SGCZ: variants seen among roughly 807,000 people sequenced by gnomAD.
SGCZ encodes the protein sarcoglycan zeta, also known as zeta-sarcoglycan.
In SGCZ, 40 loss-of-function variants were observed where a neutral mutation model predicts 41.3. The observed-to-expected ratio is 0.97, with a 90% CI of 0.75 to 1.26. The LOEUF is 1.26. SGCZ is among the 50% of genes most tolerant of loss of function. The pLI, the probability that SGCZ is intolerant of heterozygous loss-of-function variation, is 0.00. For missense variants in SGCZ, 552 were observed against 369.8 expected, an observed-to-expected ratio of 1.49 and a Z score of -4.04; for synonymous variants, 206 against 137.5, an observed-to-expected ratio of 1.50 and a Z score of -3.49.
intron 1 of SGCZ, among the ~76,000 whole-genome samples, chr8:14,661,837 T>G (rs11989707): frequency 6.9e-6 from 1 of 144,316 alleles, no homozygotes; most frequent in Non-Finnish European, 1.5e-5. Context: ...TGATCTCAAA[T>G]TGTTAAAAAA....
intron 4 of SGCZ, among the ~76,000 whole-genome samples, chr8:14,230,763 T>TG (rs199840948): frequency 0.19 from 23,501 of 123,656 alleles, 2,639 homozygotes; most frequent in Non-Finnish European, 0.28. Context: ...TTTTTGGTGG[T>TG]GGTGGGGGGG....
Position 14,460,678 on chromosome 8 carries a change from T to C in SGCZ, c.234+94054A>G, listed in dbSNP as rs571324750. Among the ~76,000 whole-genome samples the C allele has an allele frequency of 5.5e-4, 83 of 152,226 alleles. No individual in the cohort carries two copies. In the Middle Eastern group the frequency reaches 0.01, roughly 19 times the overall value. On this transcript the variant is annotated intron_variant, in intron 2 of 7. Transcript: ENST00000382080. The stretch of plus-strand genomic sequence containing the variant: ...CGAATTCCAAATCCAAAGAAGTAGA[T>C]TTTGTCCCTGCTTTGCCTTGTGTAT...
chr8:14,175,214 G>A (rs1337543253), intron 4 of SGCZ, among the ~76,000 whole-genome samples: 1 of 152,000 alleles, frequency 6.6e-6, no homozygotes, highest in East Asian at 1.9e-4. Context: ...AAGGTTGAAT[G>A]GCCAAAGATA....
chr8:14,452,072 A>G lies in SGCZ; in HGVS notation c.234+102660T>C, dbSNP rs531090512. ...TATTCACATTTGCCAAAACTTGGAA[A>G]TAATCAAGATGTCCTTCAGTAGATG... On this transcript the variant is annotated intron_variant, in intron 2 of 7. Transcript: ENST00000382080. Among the ~76,000 whole-genome samples, 3 of 152,360 alleles carry G rather than the reference A, an allele frequency of 2.0e-5. No homozygotes were observed. In the South Asian group the frequency reaches 6.2e-4, roughly 32 times the overall value.
At position 14,085,507 on chromosome 8, in the gene SGCZ, C is replaced by T. The variant is rs1259149571; in HGVS notation, c.*4936G>A. On this transcript the variant is annotated 3_prime_UTR_variant, in exon 8 of 8. Coordinates refer to ENST00000382080, the MANE Select transcript of SGCZ (RefSeq NM_139167.4). ...ACTACAGTTCATTATATCTCATTTC[C>T]TTTAATGGTTTTCATTGGCTTTCTC... 6.6e-6 allele frequency among the ~76,000 whole-genome samples: 1 copy of T among 151,682 alleles called. No individual in the cohort carries two copies. The highest frequency in any genetic ancestry group is 1.5e-5 in the Non-Finnish European group (1 of 67,782).
At chr8:14,196,325 G>A (rs912522847) in intron 4 of SGCZ, among the ~76,000 whole-genome samples, 1 of 150,684 alleles carries the variant, frequency 6.6e-6, no homozygotes, top group African/African-American at 2.4e-5. Flanking sequence ...GTGCAATGGT[G>A]TGATCTCCTG....
At chr8:14,712,868 C>T (rs1403219758) in intron 1 of SGCZ, among the ~76,000 whole-genome samples, 4 of 151,598 alleles carry the variant, frequency 2.6e-5, no homozygotes. Flanking sequence ...GCCAATAGAC[C>T]AGGTCACATT....
At chr8:14,313,819 G>A (rs1450713738) in intron 3 of SGCZ, among the ~76,000 whole-genome samples, 1 of 152,016 alleles carries the variant, frequency 6.6e-6, no homozygotes, top group Non-Finnish European at 1.5e-5. Context: ...AATCTGAGCT[G>A]ATATGTGCTT....
intron 1 of SGCZ, among the ~76,000 whole-genome samples, chr8:14,734,641 TAAAG>T (rs1471052273): frequency 6.6e-6 from 1 of 152,184 alleles, no homozygotes; most frequent in African/African-American, 2.4e-5. Context: ...ATATGTGAAA[TAAAG>T]AGACAATTCC....
intron 5 of SGCZ, among the ~76,000 whole-genome samples, chr8:14,113,014 T>C (rs564523630): frequency 5.2e-4 from 79 of 152,238 alleles, no homozygotes; most frequent in African/African-American, 1.9e-3. Flanking sequence ...AGAAGAAATG[T>C]CAACCTATTT....
Position 14,324,164 on chromosome 8 carries a change from C to A in SGCZ, c.275G>T (p.Arg92Leu). The change falls in exon 3 of 8, where the codon CGA (arginine) becomes CTA (leucine). Residue 92 changes from arginine (R) to leucine (L), a missense_variant. By Grantham distance (102) the Arg-to-Leu change is moderately radical. Transcript: ENST00000382080. The stretch of plus-strand genomic sequence containing the variant: ...TAGAAACTCAGATATACCTTCAAGT[C>A]GGATTCCCTTCTTGGTGACTCTCAG... ...GNLRVTKKGI[R>L]LEGISEFLLP... The A allele has an allele frequency of 1.2e-6, 2 of 1,612,994 alleles. No individual in the cohort carries two copies. The highest frequency in any genetic ancestry group is 1.7e-6 in the Non-Finnish European group (2 of 1,179,484).
At chr8:14,154,698 A>G (rs1356378590) in intron 5 of SGCZ, among the ~76,000 whole-genome samples, 1 of 152,158 alleles carries the variant, frequency 6.6e-6, no homozygotes, top group Non-Finnish European at 1.5e-5. Context: ...TCCTTTTATA[A>G]AATGGTAGAG....
At chr8:14,806,816 G>T (rs1281109416) in intron 1 of SGCZ, among the ~76,000 whole-genome samples, 1 of 151,846 alleles carries the variant, frequency 6.6e-6, no homozygotes, top group Non-Finnish European at 1.5e-5. Context: ...GATGAACATT[G>T]ATGCAAAAAT....
intron 1 of SGCZ, among the ~76,000 whole-genome samples, chr8:15,236,827 G>A (rs907484661): frequency 2.6e-5 from 4 of 152,008 alleles, no homozygotes; most frequent in Admixed American, 6.5e-5. Flanking sequence ...GCGGAGCGGC[G>A]GGGGGCTCCA....
At chr8:14,132,819 T>G (rs1228784384) in intron 5 of SGCZ, among the ~76,000 whole-genome samples, 1 of 152,210 alleles carries the variant, frequency 6.6e-6, no homozygotes, top group East Asian at 1.9e-4. Context: ...TGCCACCTTT[T>G]GCGAATTGTG....
At chr8:14,428,289 A>T (rs1196178265) in intron 2 of SGCZ, among the ~76,000 whole-genome samples, 1 of 151,546 alleles carries the variant, frequency 6.6e-6, no homozygotes, top group East Asian at 1.9e-4. Context: ...GTTCATATAC[A>T]TTTATCTATG....
intron 5 of SGCZ, among the ~76,000 whole-genome samples, chr8:14,126,050 A>G (rs1802849379): frequency 6.6e-6 from 1 of 152,238 alleles, no homozygotes; most frequent in South Asian, 2.1e-4. Context: ...AGGCAATAAC[A>G]TTCAGGACAT....
intron 1 of SGCZ, among the ~76,000 whole-genome samples, chr8:14,974,058 T>C (rs776438698): frequency 2.0e-5 from 3 of 152,328 alleles, no homozygotes; most frequent in Admixed American, 6.5e-5. Flanking sequence ...TTTGCTGATT[T>C]GCAAATCATT....
At chr8:14,102,530 A>G (rs768949991) in intron 6 of SGCZ, 31 bp from the exon 7 acceptor site, 12 of 1,337,122 alleles carry the variant, frequency 9.0e-6, no homozygotes, top group Non-Finnish European at 1.2e-5. Flanking sequence ...CATTAATAGG[A>G]AAAAAAAACA....
Sources: allele counts gnomAD v4.1 joint callset (sites outside exome capture counted in the v4.1 genomes callset), GRCh38; gene constraint gnomAD v4.1.1; transcripts MANE v1.5; gene names NCBI Gene and HGNC (gene_info 2026-07-23, HGNC 2026-07-21).